EPS15: variants seen among roughly 807,000 people sequenced by gnomAD.
The protein encoded by EPS15 is epidermal growth factor receptor substrate 15.
In EPS15, 72 loss-of-function variants were observed where a neutral mutation model predicts 113.8. That is an observed-to-expected ratio of 0.63 (90% CI 0.52 to 0.77). EPS15 has a LOEUF of 0.77. Ranked by LOEUF, EPS15 falls within the 30% of genes least tolerant of loss-of-function variation. The pLI is 0.00. For synonymous variants in EPS15, 344 were observed against 363.4 expected (o/e 0.95, Z 0.61); for missense variants, 1,048 against 1,045.8 (o/e 1.00, Z -0.03).
At chr1:51,386,838 T>A (rs1342796822) in intron 21 of EPS15, among the ~76,000 whole-genome samples, 1 of 152,072 alleles carries the variant, frequency 6.6e-6, no homozygotes, top group Non-Finnish European at 1.5e-5. Context: ...CAAATCTACA[T>A]CTGATTGGTG....
intron 1 of EPS15, among the ~76,000 whole-genome samples, chr1:51,485,401 G>A (rs913625534): frequency 2.0e-5 from 3 of 152,120 alleles, no homozygotes; most frequent in Admixed American, 2.0e-4. Flanking sequence ...GTTGCATACT[G>A]TTCAAAATCA....
intron 21 of EPS15, among the ~76,000 whole-genome samples, chr1:51,377,128 C>T (rs1472551261): frequency 2.6e-5 from 4 of 151,980 alleles, no homozygotes; most frequent in African/African-American, 4.8e-5. Context: ...ATTAGCTGAG[C>T]GTGGTGGCGG....
chr1:51,512,709 AAAAC>A (rs1644645856), intron 1 of EPS15, among the ~76,000 whole-genome samples: 1 of 152,222 alleles, frequency 6.6e-6, no homozygotes, highest in Non-Finnish European at 1.5e-5. Flanking sequence ...ATAACAAACT[AAAAC>A]AATGAAATTG....
intron 1 of EPS15, among the ~76,000 whole-genome samples, chr1:51,511,296 C>G (rs1644615767): frequency 6.6e-6 from 1 of 151,946 alleles, no homozygotes; most frequent in Admixed American, 6.6e-5. Flanking sequence ...GAGATAGAGA[C>G]CAGCCTGGAA....
chr1:51,424,347 G>A (rs1358979350), intron 12 of EPS15, among the ~76,000 whole-genome samples: 1 of 151,902 alleles, frequency 6.6e-6, no homozygotes, highest in African/African-American at 2.4e-5. Flanking sequence ...CTCATTTCAG[G>A]CAAATAAAAA....
chr1:51,456,713 G>C (rs1203039988), intron 8 of EPS15, among the ~76,000 whole-genome samples: 1 of 152,062 alleles, frequency 6.6e-6, no homozygotes. Flanking sequence ...GTAAAATATT[G>C]ATGCTTGTAA....
At position 51,417,727 on chromosome 1, in the gene EPS15, T is replaced by C. The variant is rs574095624; in HGVS notation, c.1113+4059A>G. Among the ~76,000 whole-genome samples, 31 of 152,134 alleles carry C rather than the reference T, an allele frequency of 2.0e-4. No individual in the cohort carries two copies. The South Asian group carries it at 6.4e-3, about 32-fold the overall frequency. Reference sequence around the variant, plus strand: ...TATGAGCTAGGCTTTAAGGCATGAGTGGAATTCACATAAGCAGGAAAGTAG... The same window carrying C: ...TATGAGCTAGGCTTTAAGGCATGAGCGGAATTCACATAAGCAGGAAAGTAG... On this transcript the variant is annotated intron_variant, in intron 13 of 24. Transcript: ENST00000371733.
intron 1 of EPS15, among the ~76,000 whole-genome samples, chr1:51,491,038 G>C (rs1488915880): frequency 6.6e-6 from 1 of 152,172 alleles, no homozygotes; most frequent in Non-Finnish European, 1.5e-5. Flanking sequence ...ATGTGAAGTA[G>C]AGAGAAGGTG....
Position 51,389,293 on chromosome 1 carries a change from A to G in EPS15, c.2119+5088T>C, listed in dbSNP as rs551476491. Among the ~76,000 whole-genome samples, 243 of 152,348 alleles carry G rather than the reference A, an allele frequency of 1.6e-3. 1 individual carries two copies. The highest frequency in any genetic ancestry group is 5.6e-3 in the African/African-American group (232 of 41,580). ...ACCCTTCATGCTAAAAATTCTCAAT[A>G]AATTAGGTATTGATGGGACGTATCT... On this transcript the variant is annotated intron_variant, in intron 21 of 24. Transcript: ENST00000371733.
chr1:51,426,162 G>C (rs369273417), intron 12 of EPS15, among the ~76,000 whole-genome samples: 4 of 151,746 alleles, frequency 2.6e-5, no homozygotes, highest in African/African-American at 9.7e-5. Context: ...TGTTCTGACC[G>C]ACTCTCTCTC....
At position 51,363,889 on chromosome 1, in the gene EPS15, G is replaced by A. The variant is rs573929869; in HGVS notation, c.2336C>T (p.Thr779Ile). The change falls in exon 23 of 25, where the codon ACA becomes ATA. Residue 779 changes from threonine (T) to isoleucine (I), a missense_variant. Thr to Ile is a moderately conservative substitution (Grantham distance 89). Transcript: ENST00000371733. ...ACCAGGTGGTAGAGGGCAGGGTCTT[G>A]TTGGAGTTCCGATCTTTGGTGGCAG... The part of the protein sequence containing the change: ...PALPPKIGTP[T>I]RPCPLPPGKR... The A allele has an allele frequency of 1.9e-6, 3 of 1,613,318 alleles. No homozygotes were observed. Among genetic ancestry groups the A allele is most frequent in the Non-Finnish European group, 2.5e-6 (3 of 1,179,584 alleles).
chr1:51,356,827 A>AT lies in EPS15; in HGVS notation c.2563dup (p.Met855AsnfsTer10). The stretch of plus-strand genomic sequence containing the variant: ...ACTTTCCCTCTTGGCCCATTCGATC[A>AT]TATCTTCTTCAGAGGGATACTGCCA... On this transcript the variant is annotated frameshift_variant, in exon 25 of 25. Coordinates refer to ENST00000371733, the MANE Select transcript of EPS15 (RefSeq NM_001981.3). LOFTEE classifies it high-confidence loss of function. The AT allele has an allele frequency of 6.2e-7, 1 of 1,613,334 alleles. No individual in the cohort carries two copies. The highest frequency in any genetic ancestry group is 8.5e-7 in the Non-Finnish European group (1 of 1,179,664).
intron 23 of EPS15, 45 bp from the exon 24 acceptor site, chr1:51,361,400 A>C (rs1646383336): frequency 6.9e-7 from 1 of 1,450,936 alleles, no homozygotes; most frequent in South Asian, 1.2e-5. Context: ...AAATACAGCA[A>C]ATACAAGCAC....
chr1:51,503,006 CAAAAA>C (rs56340331), intron 1 of EPS15, among the ~76,000 whole-genome samples: 1 of 67,432 alleles, frequency 1.5e-5, no homozygotes. Flanking sequence ...GACTCTGTCT[CAAAAA>C]AAAAAAAAAA....
chr1:51,362,413 T>C (rs1390398471), intron 23 of EPS15, among the ~76,000 whole-genome samples: 1 of 152,218 alleles, frequency 6.6e-6, no homozygotes, highest in Non-Finnish European at 1.5e-5. Context: ...CTTTTTACAA[T>C]GATATACAAT....
intron 6 of EPS15, among the ~76,000 whole-genome samples, chr1:51,464,088 T>A (rs1654671649): frequency 6.6e-6 from 1 of 152,158 alleles, no homozygotes; most frequent in East Asian, 1.9e-4. Flanking sequence ...ATCAAAATAT[T>A]TCAGAGGTAG....
At chr1:51,442,025 T>G (rs1031617446) in intron 11 of EPS15, among the ~76,000 whole-genome samples, 1 of 152,186 alleles carries the variant, frequency 6.6e-6, no homozygotes, top group African/African-American at 2.4e-5. Context: ...AAAACTCATC[T>G]ACAAAGGTTT....
chr1:51,362,380 A>G (rs936432803), intron 23 of EPS15, among the ~76,000 whole-genome samples: 10 of 152,322 alleles, frequency 6.6e-5, no homozygotes, highest in African/African-American at 2.2e-4. Flanking sequence ...TGCTCTTTCC[A>G]ACAAACCAGT....
chr1:51,433,412 T>G (rs974018253), intron 12 of EPS15, among the ~76,000 whole-genome samples: 1 of 152,256 alleles, frequency 6.6e-6, no homozygotes, highest in Non-Finnish European at 1.5e-5. Context: ...GAGGTACAGA[T>G]AGTTAAGTAT....
Sources: allele counts gnomAD v4.1 joint callset (sites outside exome capture counted in the v4.1 genomes callset), GRCh38; gene constraint gnomAD v4.1.1; transcripts MANE v1.5; gene names NCBI Gene and HGNC (gene_info 2026-07-23, HGNC 2026-07-21).